The following KMT2C variants were observed in gnomAD, a reference collection of about 807,000 sequenced individuals.
KMT2C encodes the protein lysine methyltransferase 2C.
A neutral mutation model predicts 507.9 loss-of-function variants in KMT2C; 88 were observed. The ratio of observed to expected loss-of-function variants is 0.17; its 90% CI spans 0.15 to 0.21. The LOEUF (loss-of-function observed/expected upper bound fraction) is 0.21, where lower values mean the gene tolerates loss of function less well. Ranked by LOEUF, KMT2C falls within the 10% of genes least tolerant of loss-of-function variation. The pLI is 1.00. For synonymous variants in KMT2C, 2,049 were observed against 2,080.8 expected, an observed-to-expected ratio of 0.98 and a Z score of 0.42; for missense variants, 4,954 against 5,957.8, an observed-to-expected ratio of 0.83 and a Z score of 5.55.
intron 1 of KMT2C, among the ~76,000 whole-genome samples, chr7:152,362,847 A>G (rs2097207596): frequency 6.6e-6 from 1 of 152,014 alleles, no homozygotes; most frequent in Admixed American, 6.6e-5. Flanking sequence ...TGCTTTTCAA[A>G]TTTTTCTTCT....
chr7:152,201,982 T>C (rs1338839231), intron 26 of KMT2C, among the ~76,000 whole-genome samples: 1 of 152,146 alleles, frequency 6.6e-6, no homozygotes, highest in Non-Finnish European at 1.5e-5. Flanking sequence ...TGTTAGTAGC[T>C]ACAAAAAAGA....
intron 6 of KMT2C, among the ~76,000 whole-genome samples, chr7:152,301,916 C>T (rs1484233172): frequency 2.6e-5 from 4 of 152,138 alleles, no homozygotes; most frequent in Non-Finnish European, 4.4e-5. Flanking sequence ...GAGACTTTTA[C>T]TATACACTGT....
At chr7:152,200,860 A>C (rs1340389243) in intron 26 of KMT2C, among the ~76,000 whole-genome samples, 1 of 152,206 alleles carries the variant, frequency 6.6e-6, no homozygotes, top group Non-Finnish European at 1.5e-5. Flanking sequence ...GAGTGTGTGA[A>C]GTCTGGTGGA....
chr7:152,337,449 A>C (rs2096946659), intron 2 of KMT2C, among the ~76,000 whole-genome samples: 1 of 152,238 alleles, frequency 6.6e-6, no homozygotes, highest in Non-Finnish European at 1.5e-5. Flanking sequence ...ACCCTCTTTT[A>C]AACCTTTACT....
chr7:152,418,089 C>T (rs145705750), intron 1 of KMT2C, among the ~76,000 whole-genome samples: 30 of 151,642 alleles, frequency 2.0e-4, no homozygotes, highest in Middle Eastern at 3.4e-3. Context: ...TACAGGTGTG[C>T]GCCACCACGC....
chr7:152,323,541 T>C (rs1340073233), intron 3 of KMT2C, among the ~76,000 whole-genome samples: 2 of 149,836 alleles, frequency 1.3e-5, no homozygotes, highest in Admixed American at 1.3e-4. Flanking sequence ...TTGGAGGCTG[T>C]GGTGGGAGGA....
intron 9 of KMT2C, among the ~76,000 whole-genome samples, chr7:152,262,110 G>A (rs1228735553): frequency 1.3e-5 from 2 of 152,188 alleles, no homozygotes; most frequent in African/African-American, 4.8e-5. Flanking sequence ...AGGACAGGGT[G>A]CAGGTACAGA....
Position 152,280,518 on chromosome 7 carries a change from T to A in KMT2C, c.850-6651A>T, listed in dbSNP as rs146936039. On this transcript the variant is annotated intron_variant, in intron 6 of 58. Transcript: ENST00000262189. ...GTGAGCCGAGACTGCACCACTGCAC[T>A]CCAGCCTGGGCGGCAGATCAAGAAA... Among the ~76,000 whole-genome samples, 1,289 of 152,154 alleles carry A rather than the reference T, an allele frequency of 8.5e-3. 23 individuals are homozygous for A. The highest frequency in any genetic ancestry group is 0.03 in the African/African-American group (1,245 of 41,504).
chr7:152,176,127 A>G (rs2093198361), intron 38 of KMT2C, 64 bp downstream of exon 38: 1 of 1,367,154 alleles, frequency 7.3e-7, no homozygotes, highest in Non-Finnish European at 1.0e-6. Flanking sequence ...AAAATCTTAT[A>G]AGCATATCGC....
chr7:152,354,891 G>A (rs2097140431), intron 2 of KMT2C, among the ~76,000 whole-genome samples: 1 of 152,132 alleles, frequency 6.6e-6, no homozygotes, highest in Non-Finnish European at 1.5e-5. Flanking sequence ...GTCTTTGGAT[G>A]GTTGACAGAG....
In KMT2C at chr7:152,177,035, G is replaced by A. The variant is rs993949525; in HGVS notation, c.8418C>T (p.Leu2806=). 3 of 1,613,288 alleles carry A rather than the reference G, an allele frequency of 1.9e-6. No individual in the cohort carries two copies. In the Admixed American group the frequency reaches 5.0e-5, roughly 27 times the overall value. ...TTTTCTGTGGTGAATGTTTATCAGA[G>A]AGAACCAGAGTTTTGTTTTCTTGTT... The part of the protein sequence containing the change: ...KKEQENKTLV[L]SDKHSPQKKS... The change falls in exon 38 of 59, where the codon CTC becomes CTT. Residue 2806 remains leucine (L), a synonymous_variant. Transcript: ENST00000262189.
chr7:152,279,915 A>C (rs1387892297), intron 6 of KMT2C, among the ~76,000 whole-genome samples: 1 of 152,302 alleles, frequency 6.6e-6, no homozygotes, highest in East Asian at 1.9e-4. Flanking sequence ...CGACCCCACC[A>C]AATTTCCTAC....
At chr7:152,170,524 A>G (rs182278570) in intron 40 of KMT2C, among the ~76,000 whole-genome samples, 15 of 152,324 alleles carry the variant, frequency 9.8e-5, no homozygotes, top group African/African-American at 3.6e-4. Flanking sequence ...TTTGTTTGAG[A>G]TGAAGTCTCG....
intron 1 of KMT2C, among the ~76,000 whole-genome samples, chr7:152,414,805 T>C (rs2097717984): frequency 6.6e-6 from 1 of 152,022 alleles, no homozygotes; most frequent in Non-Finnish European, 1.5e-5. Flanking sequence ...CTTAACTATT[T>C]TTCATTAAGG....
chr7:152,167,019 A>G, intron 42 of KMT2C, 127 bp downstream of exon 42: 1 of 701,224 alleles, frequency 1.4e-6, no homozygotes, highest in Non-Finnish European at 2.4e-6. Context: ...CTTTTTGGCA[A>G]TGTACTTTTA....
intron 3 of KMT2C, among the ~76,000 whole-genome samples, chr7:152,329,636 G>A (rs1460329745): frequency 2.0e-5 from 3 of 147,864 alleles, no homozygotes; most frequent in Non-Finnish European, 3.0e-5. Flanking sequence ...GAAGGGAAAC[G>A]AAGGGAGGAA....
intron 6 of KMT2C, among the ~76,000 whole-genome samples, chr7:152,291,268 G>T (rs2096421945): frequency 1.3e-5 from 2 of 152,208 alleles, no homozygotes; most frequent in Non-Finnish European, 2.9e-5. Flanking sequence ...ATGTAGAATG[G>T]CAATTCAGTA....
intron 3 of KMT2C, among the ~76,000 whole-genome samples, chr7:152,325,742 G>A (rs1240497725): frequency 6.6e-6 from 1 of 152,036 alleles, no homozygotes; most frequent in Non-Finnish European, 1.5e-5. Flanking sequence ...CACTGTGCCT[G>A]GCCAATCAAC....
At chr7:152,384,599 CCACCACCACCA>C (rs2097406448) in intron 1 of KMT2C, among the ~76,000 whole-genome samples, 1 of 146,312 alleles carries the variant, frequency 6.8e-6, no homozygotes, top group Admixed American at 6.9e-5. Flanking sequence ...ACCACCACCA[CCACCACCACCA>C]CCACGCTGCA....
Sources: allele counts gnomAD v4.1 joint callset (sites outside exome capture counted in the v4.1 genomes callset), GRCh38; gene constraint gnomAD v4.1.1; transcripts MANE v1.5; gene names NCBI Gene and HGNC (gene_info 2026-07-23, HGNC 2026-07-21).